BANP: variants seen among roughly 807,000 people sequenced by gnomAD.
The protein encoded by BANP is protein BANP.
Under a neutral mutation model 68.1 loss-of-function variants are expected in BANP, and 11 were observed. That is an observed-to-expected ratio of 0.16 (90% CI 0.10 to 0.27). The LOEUF is 0.27. BANP is among the 10% of genes least tolerant of loss of function. BANP has a pLI of 1.00. For missense variants in BANP, 504 were observed against 722.7 expected (o/e 0.70, Z 3.47); for synonymous variants, 329 against 303.2 (o/e 1.09, Z -0.88).
intron 1 of BANP, among the ~76,000 whole-genome samples, chr16:87,969,101 G>A (rs561987277): frequency 1.3e-5 from 2 of 152,278 alleles, no homozygotes; most frequent in African/African-American, 2.4e-5. Context: ...ATATTCACGG[G>A]ATCCTGCACC....
chr16:88,017,996 G>A (rs2152660639), intron 6 of BANP, among the ~76,000 whole-genome samples: 1 of 152,276 alleles, frequency 6.6e-6, no homozygotes, highest in East Asian at 1.9e-4. Flanking sequence ...CGTCTTTCTT[G>A]GTGGGAGTGG....
intron 3 of BANP, 136 bp downstream of exon 3, chr16:87,981,263 C>T: frequency 5.8e-6 from 4 of 689,498 alleles, no homozygotes; most frequent in Non-Finnish European, 1.0e-5. Flanking sequence ...AATCAAGATG[C>T]AGGCAGGGTC....
At chr16:88,058,526 T>G (rs2085761357) in intron 11 of BANP, among the ~76,000 whole-genome samples, 1 of 152,140 alleles carries the variant, frequency 6.6e-6, no homozygotes, top group African/African-American at 2.4e-5. Context: ...GGGATTCCTC[T>G]TCACTCTGAC....
intron 4 of BANP, among the ~76,000 whole-genome samples, chr16:87,989,428 C>A (rs1377064057): frequency 6.6e-6 from 1 of 152,244 alleles, no homozygotes. Flanking sequence ...AGGGCACGCA[C>A]ATGCTCACGT....
chr16:88,032,882 GC>G (rs2078501399), intron 8 of BANP, among the ~76,000 whole-genome samples: 1 of 152,196 alleles, frequency 6.6e-6, no homozygotes, highest in African/African-American at 2.4e-5. Flanking sequence ...GCAGCATCAC[GC>G]CACTCTCAGG....
intron 12 of BANP, among the ~76,000 whole-genome samples, chr16:88,067,131 A>G (rs1450388595): frequency 1.3e-5 from 2 of 152,002 alleles, no homozygotes; most frequent in East Asian, 1.9e-4. Context: ...TGTGTGGGGG[A>G]AGGTGAAGCC....
At chr16:88,011,390 C>G (rs1270399912) in intron 6 of BANP, among the ~76,000 whole-genome samples, 1 of 152,150 alleles carries the variant, frequency 6.6e-6, no homozygotes, top group Non-Finnish European at 1.5e-5. Context: ...CTCTCCAGAG[C>G]TCAGCCGCCG....
At chr16:87,959,524 G>A (rs2058714508) in intron 1 of BANP, among the ~76,000 whole-genome samples, 2 of 152,230 alleles carry the variant, frequency 1.3e-5, no homozygotes, top group African/African-American at 4.8e-5. Context: ...CGGCTGACCA[G>A]GCTTGGTACT....
chr16:87,982,688 C>G (rs1447343940), intron 3 of BANP: 1 of 152,146 alleles, frequency 6.6e-6, no homozygotes, highest in East Asian at 1.9e-4. Context: ...TTCTTTAGCT[C>G]CTGTCTATAT....
intron 1 of BANP, chr16:87,952,311 C>G (rs1260055318): frequency 6.6e-6 from 1 of 152,230 alleles, no homozygotes; most frequent in South Asian, 2.1e-4. Flanking sequence ...TACATCATCC[C>G]TGAAGAACTG....
At position 88,076,917 on chromosome 16, in the gene BANP, T is replaced by C; in HGVS notation, c.*256T>C. 1 of 466,556 alleles carries C rather than the reference T, an allele frequency of 2.1e-6. No individual in the cohort carries two copies. Among genetic ancestry groups the C allele is most frequent in the East Asian group, 3.5e-5 (1 of 28,624 alleles). The allele number at this position is 466,556 out of a possible 1,614,324, so 28.9% of individuals were successfully genotyped here. A position where few individuals can be genotyped will look rare whatever the true frequency, so the allele number is the denominator to read the frequency against. Reference sequence around the variant, plus strand: ...GAGGGGAGGCACGGTGCGGAGAGCGTCGCATATGCGCGGGAAATCAAGAAC... The same window carrying C: ...GAGGGGAGGCACGGTGCGGAGAGCGCCGCATATGCGCGGGAAATCAAGAAC... On this transcript the variant is annotated 3_prime_UTR_variant, in exon 14 of 14. Coordinates refer to ENST00000682872, the MANE Select transcript of BANP (RefSeq NM_001386991.1).
chr16:88,019,438 C>G (rs560134084), intron 7 of BANP, among the ~76,000 whole-genome samples: 11 of 152,022 alleles, frequency 7.2e-5, no homozygotes, highest in Non-Finnish European at 2.9e-5. Context: ...CTCCGGCAAT[C>G]TGGGCTCTGG....
Position 88,033,127 on chromosome 16 carries a change from C to T in BANP, c.1082C>T (p.Pro361Leu), listed in dbSNP as rs770640414. 2.8e-5 allele frequency: 45 copies of T among 1,608,006 alleles called. 1 individual carries two copies. The South Asian group carries it at 4.9e-4, about 17-fold the overall frequency. ...YCPSEPMMST[P>L]PPASELPQPQ... ...CCCACAGAGCCGATGATGAGCACCC[C>T]ACCTCCTGCCAGCGAGCTCCCGCAG... Residue 361 changes from proline to leucine, a missense_variant, in exon 9 of 14, where the codon CCA becomes CTA. Pro to Leu is a moderately conservative substitution (Grantham distance 98). Around this residue, in one of 3 missense-constraint regions of BANP, gnomAD observed 223 missense variants for 246.2 expected, o/e 0.91. Transcript: ENST00000682872.
chr16:87,975,903 T>C (rs369801685), intron 2 of BANP, among the ~76,000 whole-genome samples: 2 of 92,796 alleles, frequency 2.2e-5, no homozygotes, highest in African/African-American at 3.7e-5. Flanking sequence ...CTGTGTGTGG[T>C]GTCATGGAAC....
rs559954102 is a variant in BANP, at chr16:88,018,226, C to T, written c.656-202C>T. The stretch of plus-strand genomic sequence containing the variant: ...GGCCGCTTCTCGGGGGTGGTGGGAT[C>T]GTGTCTGTTCCGCGTCAGTTCTTTC... On this transcript the variant is annotated intron_variant, in intron 6 of 13. Transcript: ENST00000682872. The surrounding 1 kb of genome is among the most constrained non-coding windows in gnomAD (Gnocchi z 7.7). Among the ~76,000 whole-genome samples, 13 of 152,152 alleles carry T rather than the reference C, an allele frequency of 8.5e-5. No homozygotes were observed. Among genetic ancestry groups the T allele is most frequent in the East Asian group, 1.9e-4 (1 of 5,174 alleles).
At chr16:88,038,683 G>A (rs536380316) in intron 11 of BANP, among the ~76,000 whole-genome samples, 4 of 152,248 alleles carry the variant, frequency 2.6e-5, no homozygotes, top group South Asian at 2.1e-4. Context: ...ACAAAATGAC[G>A]TGCTCCGACG....
chr16:87,956,614 C>T (rs894474860), intron 1 of BANP: 1 of 152,206 alleles, frequency 6.6e-6, no homozygotes, highest in Non-Finnish European at 1.5e-5. Context: ...AAGAATGGGG[C>T]GAGTGATTGG....
chr16:88,073,270 C>T (rs960679346), intron 13 of BANP, among the ~76,000 whole-genome samples: 41 of 152,230 alleles, frequency 2.7e-4, no homozygotes, highest in Non-Finnish European at 1.3e-4. Flanking sequence ...GCTCACCTGA[C>T]GCTCACGTCT....
At chr16:88,009,134 T>G (rs2072221432) in intron 6 of BANP, among the ~76,000 whole-genome samples, 1 of 152,194 alleles carries the variant, frequency 6.6e-6, no homozygotes, top group Non-Finnish European at 1.5e-5. Flanking sequence ...AGTGGCGTCC[T>G]CTCTTCAGCA....
Sources: allele counts gnomAD v4.1 joint callset (sites outside exome capture counted in the v4.1 genomes callset), GRCh38; gene constraint gnomAD v4.1.1; regional missense constraint gnomAD v4.1.1; non-coding constraint Gnocchi (gnomAD v3.1); transcripts MANE v1.5; gene names NCBI Gene and HGNC (gene_info 2026-07-23, HGNC 2026-07-21).